The following STARD13 variants were observed in gnomAD, a reference collection of about 807,000 sequenced individuals.
The protein encoded by STARD13 is stAR-related lipid transfer protein 13.
Under a neutral mutation model 106.4 loss-of-function variants are expected in STARD13, and 62 were observed. The observed-to-expected ratio is 0.58, with a 90% CI of 0.48 to 0.72. The LOEUF (loss-of-function observed/expected upper bound fraction) is 0.72. STARD13 is among the 30% of genes least tolerant of loss of function. The pLI, the probability that STARD13 is intolerant of heterozygous loss-of-function variation, is 0.00. For synonymous variants in STARD13, 565 were observed against 553.0 expected (o/e 1.02, Z -0.31); for missense variants, 1,387 against 1,424.0 (o/e 0.97, Z 0.42).
rs1000746078 is a variant in STARD13, at chr13:33,104,021, T to A, written c.*1572A>T. ...TAGAAAGCTTTTTTATTCCTCTCAA[T>A]AAAATAATTGCACATTGCTGATAAC... On this transcript the variant is annotated 3_prime_UTR_variant, in exon 14 of 14. Coordinates refer to ENST00000336934, the MANE Select transcript of STARD13 (RefSeq NM_178006.4). 6.6e-6 allele frequency: 1 copy of A among 152,204 alleles called. No homozygotes were observed. Among genetic ancestry groups the A allele is most frequent in the Admixed American group, 6.5e-5 (1 of 15,276 alleles). The allele number at this position is 152,204 out of a possible 1,614,324, so 9.4% of individuals were successfully genotyped here.
the STARD13 span, among the ~76,000 whole-genome samples, chr13:33,617,644 G>A: frequency 1.3e-5 from 2 of 152,134 alleles, no homozygotes; most frequent in African/African-American, 2.4e-5. Flanking sequence ...CCTTTGAAAT[G>A]TTGGATAACA....
chr13:33,465,218 T>G, the STARD13 span, among the ~76,000 whole-genome samples: 3 of 144,040 alleles, frequency 2.1e-5, no homozygotes, highest in Non-Finnish European at 3.0e-5. Flanking sequence ...TTTTTTTTTT[T>G]TTTTTGAGAC....
At chr13:33,618,116 T>C in the STARD13 span, among the ~76,000 whole-genome samples, 1 of 152,232 alleles carries the variant, frequency 6.6e-6, no homozygotes, top group Non-Finnish European at 1.5e-5. Context: ...ATTCTAGTTG[T>C]TAATCAAAAA....
At chr13:33,229,461 ATGCCCTG>A (rs1888795253) in intron 1 of STARD13, among the ~76,000 whole-genome samples, 1 of 152,244 alleles carries the variant, frequency 6.6e-6, no homozygotes, top group South Asian at 2.1e-4. Flanking sequence ...GAAGGACAAG[ATGCCCTG>A]TAACATCCCT....
At chr13:33,619,622 GAATACTAAA>G in the STARD13 span, among the ~76,000 whole-genome samples, 3 of 151,506 alleles carry the variant, frequency 2.0e-5, no homozygotes, top group African/African-American at 7.3e-5. Context: ...AATTTTAAAA[GAATACTAAA>G]AATTTTTGAT....
chr13:33,484,733 T>C, the STARD13 span, among the ~76,000 whole-genome samples: 1 of 152,186 alleles, frequency 6.6e-6, no homozygotes, highest in Admixed American at 6.5e-5. Flanking sequence ...CCTGTCTTGA[T>C]AAATTGGCCC....
chr13:33,222,350 G>A (rs887083012), intron 1 of STARD13, among the ~76,000 whole-genome samples: 21 of 152,156 alleles, frequency 1.4e-4, no homozygotes, highest in Admixed American at 1.3e-3. Context: ...TAGAGTTTCA[G>A]TTTTGCAAGG....
At chr13:33,340,913 C>T (rs1436603463) in intron 1 of STARD13, among the ~76,000 whole-genome samples, 1 of 152,178 alleles carries the variant, frequency 6.6e-6, no homozygotes, top group Non-Finnish European at 1.5e-5. Context: ...AGCCATGGTA[C>T]TGAATTAATA....
At chr13:33,662,698 T>C in the STARD13 span, among the ~76,000 whole-genome samples, 2 of 152,222 alleles carry the variant, frequency 1.3e-5, 1 homozygote, top group Admixed American at 1.3e-4. Context: ...GAGTATACCA[T>C]GCACTATACC....
chr13:33,580,240 A>G, the STARD13 span, among the ~76,000 whole-genome samples: 1 of 152,170 alleles, frequency 6.6e-6, no homozygotes, highest in East Asian at 1.9e-4. Flanking sequence ...TCAATCCACA[A>G]AAAATCATGG....
intron 6 of STARD13, 109 bp from the exon 7 acceptor site, chr13:33,126,349 A>C: frequency 9.8e-7 from 1 of 1,025,108 alleles, no homozygotes; most frequent in Non-Finnish European, 1.5e-6. Flanking sequence ...TACCCAACAG[A>C]TGCGGGGTGA....
chr13:33,414,032 CAAAAAA>C, the STARD13 span, among the ~76,000 whole-genome samples: 1 of 48,188 alleles, frequency 2.1e-5, no homozygotes, highest in Admixed American at 1.9e-4. Flanking sequence ...GATTCCCTCT[CAAAAAA>C]AAAAAAAAAA....
the STARD13 span, among the ~76,000 whole-genome samples, chr13:33,529,864 G>A: frequency 6.6e-6 from 1 of 152,122 alleles, no homozygotes; most frequent in African/African-American, 2.4e-5. Context: ...ATGATGCCTA[G>A]GGGGTACCGG....
the STARD13 span, among the ~76,000 whole-genome samples, chr13:33,542,397 A>C: frequency 6.6e-6 from 1 of 152,172 alleles, no homozygotes; most frequent in Non-Finnish European, 1.5e-5. Context: ...CAGAAACCTG[A>C]CTCACAGCCA....
At chr13:33,254,315 C>T (rs190335253) in intron 1 of STARD13, among the ~76,000 whole-genome samples, 109 of 152,300 alleles carry the variant, frequency 7.2e-4, no homozygotes, top group South Asian at 1.2e-3. Context: ...AGAGAGAACA[C>T]GTGCGTGTGA....
At chr13:33,646,526 T>A in the STARD13 span, among the ~76,000 whole-genome samples, 1 of 152,248 alleles carries the variant, frequency 6.6e-6, no homozygotes, top group South Asian at 2.1e-4. Flanking sequence ...CTAGCAGACC[T>A]CAGCAATAGG....
chr13:33,126,270 G>A (rs773371134), intron 6 of STARD13, 30 bp from the exon 7 acceptor site: 2 of 1,610,026 alleles, frequency 1.2e-6, no homozygotes, highest in South Asian at 1.1e-5. Context: ...GGTCATGCAA[G>A]CCTCCTGGGT....
the STARD13 span, among the ~76,000 whole-genome samples, chr13:33,599,663 A>G: frequency 3.3e-5 from 5 of 152,190 alleles, no homozygotes; most frequent in African/African-American, 1.2e-4. Context: ...CAAAATTTAA[A>G]GAGTTTACAG....
chr13:33,254,944 A>T (rs1170405974), intron 1 of STARD13, among the ~76,000 whole-genome samples: 1 of 152,072 alleles, frequency 6.6e-6, no homozygotes, highest in Non-Finnish European at 1.5e-5. Flanking sequence ...AGAGCTCAGG[A>T]TACAGAAAGC....
Sources: allele counts gnomAD v4.1 joint callset (sites outside exome capture counted in the v4.1 genomes callset), GRCh38; gene constraint gnomAD v4.1.1; transcripts MANE v1.5; gene names NCBI Gene and HGNC (gene_info 2026-07-23, HGNC 2026-07-21).